HHIPL1: variants seen among roughly 807,000 people sequenced by gnomAD.
HHIPL1 encodes the protein HHIP like 1, also known as HHIP-like protein 1.
In HHIPL1, 43 loss-of-function variants were observed where a neutral mutation model predicts 61.8. The ratio of observed to expected loss-of-function variants is 0.70; its 90% CI spans 0.55 to 0.90. The LOEUF is 0.90. Ranked by LOEUF, HHIPL1 falls within the 40% of genes least tolerant of loss-of-function variation. The pLI, the probability that HHIPL1 is intolerant of heterozygous loss-of-function variation, is 0.00. For missense variants in HHIPL1, 1,056 were observed against 1,157.7 expected (o/e 0.91, Z 1.28); for synonymous variants, 482 against 515.8 (o/e 0.93, Z 0.89).
Position 99,675,499 on chromosome 14 carries a change from A to T in HHIPL1, c.2222A>T (p.Asp741Val). ...GQGGSLPILL[D>V]DVRCAGWERN... ...GGCGGCTCGCTGCCCATTCTGCTGG[A>T]CGATGTGCGCTGCGCGGGCTGGGAG... Residue 741 changes from aspartate to valine, a missense_variant, in exon 9 of 9, where the codon GAC becomes GTC. Asp to Val is a radical substitution (Grantham distance 152, BLOSUM62 -3). Coordinates refer to ENST00000330710, the MANE Select transcript of HHIPL1 (RefSeq NM_001127258.3). This position sits in a 1 kb window ranked among gnomAD's most constrained non-coding sequence, Gnocchi z 5.4. The T allele has an allele frequency of 6.5e-7, 1 of 1,543,022 alleles. No homozygotes were observed.
At chr14:99,672,853 G>A (rs552504835) in intron 8 of HHIPL1, among the ~76,000 whole-genome samples, 91 of 152,304 alleles carry the variant, frequency 6.0e-4, no homozygotes, top group African/African-American at 1.7e-3. Flanking sequence ...GATGCCCCAG[G>A]CTGGGGCTGT....
At chr14:99,657,372 G>C (rs1048130047) in intron 3 of HHIPL1, among the ~76,000 whole-genome samples, 7 of 152,216 alleles carry the variant, frequency 4.6e-5, no homozygotes, top group Non-Finnish European at 8.8e-5. Context: ...AAGGAGTAAA[G>C]GCAATCATGG....
At chr14:99,667,769 G>T (rs1303275928) in intron 6 of HHIPL1, among the ~76,000 whole-genome samples, 1 of 152,214 alleles carries the variant, frequency 6.6e-6, no homozygotes, top group African/African-American at 2.4e-5. Flanking sequence ...GCCCAATGAG[G>T]CATGCCCATT....
the HHIPL1 span, among the ~76,000 whole-genome samples, chr14:99,622,561 T>A: frequency 1.3e-5 from 2 of 152,274 alleles, no homozygotes; most frequent in East Asian, 3.9e-4. Flanking sequence ...CTTTATGAAA[T>A]TTTTTCCCAT....
intron 1 of HHIPL1, among the ~76,000 whole-genome samples, chr14:99,650,188 C>T (rs1335487176): frequency 1.3e-5 from 2 of 152,220 alleles, no homozygotes; most frequent in Non-Finnish European, 1.5e-5. Context: ...TGGCCTGGGG[C>T]TTGAGAACAC....
the HHIPL1 span, among the ~76,000 whole-genome samples, chr14:99,605,329 C>T: frequency 2.1e-5 from 3 of 146,064 alleles, no homozygotes; most frequent in Non-Finnish European, 3.0e-5. Context: ...TCGTTATCCT[C>T]CGGTCCCCAA....
At chr14:99,610,824 T>C in the HHIPL1 span, among the ~76,000 whole-genome samples, 1 of 152,188 alleles carries the variant, frequency 6.6e-6, no homozygotes, top group African/African-American at 2.4e-5. Context: ...CCTTCATGTG[T>C]TCATTTGCAG....
the HHIPL1 span, among the ~76,000 whole-genome samples, chr14:99,623,266 C>T: frequency 1.3e-5 from 2 of 152,190 alleles, no homozygotes; most frequent in African/African-American, 2.4e-5. Context: ...ATGCCTATTA[C>T]CCTTTAAGGC....
At position 99,676,513 on chromosome 14, in the gene HHIPL1, G is replaced by A. The variant is rs1432805028; in HGVS notation, c.*887G>A. 2.0e-5 allele frequency: 3 copies of A among 152,388 alleles called. No homozygotes were observed. Among genetic ancestry groups the A allele is most frequent in the African/African-American group, 7.2e-5 (3 of 41,446 alleles). 9.4% of individuals were successfully genotyped at this position (152,388 alleles called of 1,614,324 possible). A position where few individuals can be genotyped will look rare whatever the true frequency, so the allele number is the denominator to read the frequency against. On this transcript the variant is annotated 3_prime_UTR_variant, in exon 9 of 9. Coordinates refer to ENST00000330710, the MANE Select transcript of HHIPL1 (RefSeq NM_001127258.3). ...ACTTTCAAAGCTGTGTTTGGGCCCT[G>A]GGGCCACCTCTGTCCTTTCCATCCC...
chr14:99,645,167 G>T lies in HHIPL1; in HGVS notation c.-41G>T. On this transcript the variant is annotated 5_prime_UTR_variant, in exon 1 of 9. Transcript: ENST00000330710. ...CCGCGAGCGCCCCGGGAGGGGACCG[G>T]GGCTGCCGTCCCTCCGCCTCTTCCC... The T allele has an allele frequency of 7.9e-7, 1 of 1,258,138 alleles. No homozygotes were observed. Among genetic ancestry groups the T allele is most frequent in the Non-Finnish European group, 1.0e-6 (1 of 1,002,080 alleles). The allele number at this position is 1,258,138 out of a possible 1,614,324, so 77.9% of individuals were successfully genotyped here.
chr14:99,648,135 C>G (rs1172110925), intron 1 of HHIPL1, among the ~76,000 whole-genome samples: 1 of 152,176 alleles, frequency 6.6e-6, no homozygotes, highest in East Asian at 1.9e-4. Flanking sequence ...TCTCAAAAAT[C>G]CCCTTCATCA....
Position 99,668,862 on chromosome 14 carries a change from T to C in HHIPL1, c.1730+559T>C. 4 of 1,614,118 alleles carry C rather than the reference T, an allele frequency of 2.5e-6. No homozygotes were observed. Among genetic ancestry groups the C allele is most frequent in the Non-Finnish European group, 3.4e-6 (4 of 1,180,034 alleles). On this transcript the variant is annotated intron_variant, in intron 7 of 8. Coordinates refer to ENST00000330710, the MANE Select transcript of HHIPL1 (RefSeq NM_001127258.3). This position sits in a 1 kb window ranked among gnomAD's most constrained non-coding sequence, Gnocchi z 4.7. ...AGGCCAGAAGCGCCATGCCCGGCTA[T>C]GTCCCAGCTCCTTCCGTGTGCAGCT... is the stretch of plus-strand genomic sequence containing the variant.
At position 99,645,435 on chromosome 14, in the gene HHIPL1, C is replaced by T. The variant is rs1234216282; in HGVS notation, c.228C>T (p.Ala76=). Residue 76 remains alanine, a synonymous_variant, in exon 1 of 9, where the codon GCC becomes GCT. Coordinates refer to ENST00000330710, the MANE Select transcript of HHIPL1 (RefSeq NM_001127258.3). ...ACGCCGCCGAGTGGGCCGCGTGCGC[C>T]GGCTACGCGAGGGACCTGCTGTGCC... ...RVDAAEWAAC[A]GYARDLLCQE... is the part of the protein sequence containing the mutation. The T allele has an allele frequency of 7.4e-7, 1 of 1,358,940 alleles. No homozygotes were observed. The allele number at this position is 1,358,940 out of a possible 1,614,324, so 84.2% of individuals were successfully genotyped here.
chr14:99,652,694 G>T lies in HHIPL1; in HGVS notation c.726G>T (p.Ser242=), dbSNP rs551949138. The T allele has an allele frequency of 6.2e-7, 1 of 1,613,988 alleles. No individual in the cohort carries two copies. The highest frequency in any genetic ancestry group is 2.2e-5 in the East Asian group (1 of 44,884). ...ACATCAGCCGGGTGGTGCTCACCTCGCCCTGGGAGGGTGACGAGCGTGGCT... is the reference window on the plus strand; with the variant it reads ...ACATCAGCCGGGTGGTGCTCACCTCTCCCTGGGAGGGTGACGAGCGTGGCT... ...FLNISRVVLT[S]PWEGDERGFL... is the part of the protein sequence containing the mutation. The change falls in exon 2 of 9, where the codon TCG becomes TCT. Residue 242 remains serine (S), a synonymous_variant. Coordinates refer to ENST00000330710, the MANE Select transcript of HHIPL1 (RefSeq NM_001127258.3).
At chr14:99,641,562 C>T (rs978913981), upstream of HHIPL1, among the ~76,000 whole-genome samples, 1 of 151,854 alleles carries the variant, frequency 6.6e-6, no homozygotes, top group African/African-American at 2.4e-5. Context: ...TAGAGGTGCC[C>T]GCCACCATGC....
intron 3 of HHIPL1, 75 bp downstream of exon 3, chr14:99,657,218 G>A (rs2056063422): frequency 6.6e-7 from 1 of 1,525,604 alleles, no homozygotes; most frequent in South Asian, 1.2e-5. Flanking sequence ...CAGAGGGTGA[G>A]TTCCTTCCTC....
chr14:99,643,197 G>A (rs560334351), upstream of HHIPL1, among the ~76,000 whole-genome samples: 17 of 152,138 alleles, frequency 1.1e-4, no homozygotes, highest in African/African-American at 3.4e-4. Context: ...GTGCCACCAC[G>A]CCTGGCTAAT....
chr14:99,624,597 G>A, the HHIPL1 span, among the ~76,000 whole-genome samples: 10 of 152,276 alleles, frequency 6.6e-5, no homozygotes, highest in East Asian at 1.9e-3. Context: ...CTCCATCCTG[G>A]GATCTGAGGA....
the HHIPL1 span, among the ~76,000 whole-genome samples, chr14:99,634,188 G>A: frequency 6.6e-6 from 1 of 152,184 alleles, no homozygotes; most frequent in Non-Finnish European, 1.5e-5. Context: ...TCTGAGCAGC[G>A]AGAGAGGGCA....
Sources: allele counts gnomAD v4.1 joint callset (sites outside exome capture counted in the v4.1 genomes callset), GRCh38; gene constraint gnomAD v4.1.1; non-coding constraint Gnocchi (gnomAD v3.1); transcripts MANE v1.5; gene names NCBI Gene and HGNC (gene_info 2026-07-23, HGNC 2026-07-21).